Variants in TMTC2 observed in about 807,000 individuals in gnomAD.
TMTC2 encodes the protein transmembrane O-mannosyltransferase targeting cadherins 2, also known as protein O-mannosyl-transferase TMTC2.
TMTC2 carries 43 observed loss-of-function variants against 82.4 expected under a neutral mutation model. The ratio of observed to expected loss-of-function variants is 0.52; its 90% CI spans 0.41 to 0.67. TMTC2 has a LOEUF of 0.67. Ranked by LOEUF, TMTC2 falls within the 30% of genes least tolerant of loss-of-function variation. The pLI is 0.00. For missense variants in TMTC2, 919 were observed against 1,012.4 expected, an observed-to-expected ratio of 0.91 and a Z score of 1.25; for synonymous variants, 408 against 381.9, an observed-to-expected ratio of 1.07 and a Z score of -0.80.
intron 11 of TMTC2, among the ~76,000 whole-genome samples, chr12:83,072,346 T>C (rs1351908174): frequency 6.6e-6 from 1 of 152,174 alleles, no homozygotes; most frequent in Non-Finnish European, 1.5e-5. Context: ...TCCGGCTTTA[T>C]TCCACTATGG....
At chr12:82,918,358 C>T (rs920875402) in intron 3 of TMTC2, among the ~76,000 whole-genome samples, 2 of 152,172 alleles carry the variant, frequency 1.3e-5, no homozygotes, top group Non-Finnish European at 2.9e-5. Context: ...GGAAGTAACA[C>T]TTTGATTTCA....
intron 8 of TMTC2, among the ~76,000 whole-genome samples, chr12:83,000,102 A>C (rs748393999): frequency 1.3e-5 from 2 of 151,492 alleles, no homozygotes; most frequent in African/African-American, 4.8e-5. Context: ...CAAAGTGGCT[A>C]CAGGCACACA....
At chr12:83,004,437 G>T (rs1263807960) in intron 8 of TMTC2, among the ~76,000 whole-genome samples, 1 of 152,166 alleles carries the variant, frequency 6.6e-6, no homozygotes, top group Admixed American at 6.6e-5. Flanking sequence ...AGATCATTTG[G>T]AGGTAAGGAG....
intron 1 of TMTC2, among the ~76,000 whole-genome samples, chr12:82,755,827 G>C (rs956158582): frequency 6.6e-6 from 1 of 152,086 alleles, no homozygotes; most frequent in African/African-American, 2.4e-5. Context: ...GTATGTCATT[G>C]ATTTTTGTTG....
At chr12:83,118,150 T>A (rs1396455386) in intron 11 of TMTC2, among the ~76,000 whole-genome samples, 1 of 152,138 alleles carries the variant, frequency 6.6e-6, no homozygotes. Flanking sequence ...CCGATTTGGA[T>A]GCCCTTTTAT....
chr12:82,963,195 A>G (rs1261706266), intron 4 of TMTC2, among the ~76,000 whole-genome samples: 4 of 152,112 alleles, frequency 2.6e-5, no homozygotes, highest in Non-Finnish European at 5.9e-5. Flanking sequence ...GAACGATCAT[A>G]AGCAATAGTT....
intron 8 of TMTC2, among the ~76,000 whole-genome samples, chr12:82,995,596 A>G (rs1463322573): frequency 6.6e-6 from 1 of 152,232 alleles, no homozygotes; most frequent in African/African-American, 2.4e-5. Context: ...TGCTTCAAAC[A>G]CAGTTAATTC....
intron 11 of TMTC2, among the ~76,000 whole-genome samples, chr12:83,126,383 ATGTT>A (rs1485972589): frequency 6.6e-6 from 1 of 152,094 alleles, no homozygotes; most frequent in Non-Finnish European, 1.5e-5. Context: ...CAAGTATACA[ATGTT>A]TGTTGTATTC....
At chr12:82,887,803 G>C (rs1157874966) in intron 2 of TMTC2, among the ~76,000 whole-genome samples, 2 of 152,200 alleles carry the variant, frequency 1.3e-5, no homozygotes, top group Non-Finnish European at 2.9e-5. Flanking sequence ...CTTTCGGCCA[G>C]ATGTGGTGGC....
intron 9 of TMTC2, among the ~76,000 whole-genome samples, chr12:83,040,779 G>A (rs1881862366): frequency 6.6e-6 from 1 of 151,350 alleles, no homozygotes; most frequent in South Asian, 2.1e-4. Flanking sequence ...CTGCCTCCCG[G>A]GTTCATGCCA....
At chr12:82,766,003 A>G (rs1876940007) in intron 1 of TMTC2, among the ~76,000 whole-genome samples, 1 of 152,242 alleles carries the variant, frequency 6.6e-6, no homozygotes, top group African/African-American at 2.4e-5. Context: ...GTGTATTGCC[A>G]TTTTAAGCCA....
chr12:83,031,192 T>A (rs1271289925), intron 9 of TMTC2, among the ~76,000 whole-genome samples: 1 of 152,094 alleles, frequency 6.6e-6, no homozygotes, highest in African/African-American at 2.4e-5. Context: ...TTATGCATAC[T>A]TTATAATACA....
intron 2 of TMTC2, among the ~76,000 whole-genome samples, chr12:82,892,971 T>C (rs868133243): frequency 9.9e-5 from 15 of 152,174 alleles, no homozygotes; most frequent in South Asian, 6.2e-4. Flanking sequence ...AATCAAGAAA[T>C]TTTAGAATTA....
At chr12:82,932,709 G>A (rs1460201848) in intron 4 of TMTC2, among the ~76,000 whole-genome samples, 1 of 152,034 alleles carries the variant, frequency 6.6e-6, no homozygotes, top group Non-Finnish European at 1.5e-5. Context: ...TACTTTTCTG[G>A]TTCCGATCCT....
intron 1 of TMTC2, among the ~76,000 whole-genome samples, chr12:82,807,061 T>C (rs1346094952): frequency 6.6e-6 from 1 of 152,150 alleles, no homozygotes; most frequent in East Asian, 1.9e-4. Flanking sequence ...GGAATTGATA[T>C]GTTGATCTTT....
intron 1 of TMTC2, among the ~76,000 whole-genome samples, chr12:82,846,150 G>A (rs1349115870): frequency 6.6e-6 from 1 of 152,060 alleles, no homozygotes; most frequent in African/African-American, 2.4e-5. Flanking sequence ...CTTGAGGTCA[G>A]GAGTTCGAGA....
intron 9 of TMTC2, among the ~76,000 whole-genome samples, chr12:83,047,931 C>G (rs1331137102): frequency 6.6e-6 from 1 of 152,148 alleles, no homozygotes; most frequent in Non-Finnish European, 1.5e-5. Context: ...TTGCCCTGGA[C>G]ATTGCTTGTA....
intron 1 of TMTC2, among the ~76,000 whole-genome samples, chr12:82,846,504 A>G (rs1298362471): frequency 3.3e-5 from 5 of 152,092 alleles, no homozygotes; most frequent in African/African-American, 1.2e-4. Context: ...AGCTGGGGCC[A>G]TTTTTAATCA....
intron 2 of TMTC2, among the ~76,000 whole-genome samples, chr12:82,882,038 C>A: frequency 8.3e-6 from 1 of 120,504 alleles, no homozygotes; most frequent in Non-Finnish European, 1.6e-5. Context: ...CTCTCTCTGT[C>A]GCCCAGGCTG....
Sources: allele counts gnomAD v4.1 joint callset (sites outside exome capture counted in the v4.1 genomes callset), GRCh38; gene constraint gnomAD v4.1.1; transcripts MANE v1.5; gene names NCBI Gene and HGNC (gene_info 2026-07-23, HGNC 2026-07-21).